RNF11: variants seen among roughly 807,000 people sequenced by gnomAD.
The protein encoded by RNF11 is ring finger protein 11.
In RNF11, 4 loss-of-function variants were observed where a neutral mutation model predicts 15.8. That is an observed-to-expected ratio of 0.25 (90% CI 0.12 to 0.58). The LOEUF (loss-of-function observed/expected upper bound fraction) is 0.58, where lower values mean the gene tolerates loss of function less well. RNF11 is among the 20% of genes least tolerant of loss of function. The probability of loss-of-function intolerance (pLI) is 0.91; values close to 1 mark genes in which losing one functional copy is unlikely to be tolerated. For synonymous variants in RNF11, 68 were observed against 72.3 expected (o/e 0.94, Z 0.30); for missense variants, 139 against 194.4 (o/e 0.71, Z 1.70).
intron 1 of RNF11, among the ~76,000 whole-genome samples, chr1:51,250,319 A>T (rs971508645): frequency 2.0e-5 from 3 of 152,190 alleles, no homozygotes; most frequent in Admixed American, 2.0e-4. Context: ...ATGTATTTTC[A>T]TAGCAGTTTT....
chr1:51,250,541 T>G (rs1646872467), intron 1 of RNF11: 2 of 568,152 alleles, frequency 3.5e-6, no homozygotes, highest in East Asian at 2.9e-5. Context: ...TGTTTGAGAT[T>G]TGTGACAATT....
chr1:51,241,411 G>T (rs1646828699), intron 1 of RNF11, among the ~76,000 whole-genome samples: 1 of 152,208 alleles, frequency 6.6e-6, no homozygotes, highest in Non-Finnish European at 1.5e-5. Flanking sequence ...GAGTAGCTGG[G>T]ACTACAGGGT....
intron 1 of RNF11, among the ~76,000 whole-genome samples, chr1:51,259,819 A>G (rs1177434400): frequency 6.6e-6 from 1 of 152,234 alleles, no homozygotes; most frequent in Non-Finnish European, 1.5e-5. Context: ...CTGTTGTCAA[A>G]GAGTTAATAA....
chr1:51,271,416 G>C lies in RNF11; in HGVS notation c.*94G>C, dbSNP rs565470362. The C allele has an allele frequency of 9.6e-7, 1 of 1,047,096 alleles. No homozygotes were observed. Among genetic ancestry groups the C allele is most frequent in the East Asian group, 2.5e-5 (1 of 39,506 alleles). The allele number at this position is 1,047,096 out of a possible 1,614,324, so 64.9% of individuals were successfully genotyped here. A position where few individuals can be genotyped will look rare whatever the true frequency, so the allele number is the denominator to read the frequency against. ...CAAAGAGCCAGGGATTAGGAATTAA[G>C]ATCGTGCACAAAAGTTTCCTTAAAA... On this transcript the variant is annotated 3_prime_UTR_variant, in exon 3 of 3. Coordinates refer to ENST00000242719, the MANE Select transcript of RNF11 (RefSeq NM_014372.5).
At chr1:51,237,193 T>A (rs1232268105) in intron 1 of RNF11, among the ~76,000 whole-genome samples, 13 of 152,010 alleles carry the variant, frequency 8.6e-5, no homozygotes, top group Admixed American at 8.5e-4. Flanking sequence ...TGTCTTTATG[T>A]CTGAATCGTA....
intron 1 of RNF11, among the ~76,000 whole-genome samples, chr1:51,248,096 C>CTTTTTTT (rs1157196813): frequency 6.5e-5 from 6 of 91,680 alleles, no homozygotes; most frequent in Admixed American, 1.1e-4. Context: ...CTAGTTTCTT[C>CTTTTTTT]TTTTTTTTTT....
At position 51,236,430 on chromosome 1, in the gene RNF11, A is replaced by T; in HGVS notation, c.-327A>T. The T allele has an allele frequency of 5.2e-6, 1 of 192,376 alleles. No homozygotes were observed. Among genetic ancestry groups the T allele is most frequent in the African/African-American group, 2.5e-5 (1 of 40,812 alleles). 11.9% of individuals were successfully genotyped at this position (192,376 alleles called of 1,614,324 possible). A position where few individuals can be genotyped will look rare whatever the true frequency, so the allele number is the denominator to read the frequency against. ...GCGCCCCCCCCCGCTGACCTGGATTAGGCCCAGCAGCTCCGTGGCCGCCGC... is the reference window on the plus strand; with the variant it reads ...GCGCCCCCCCCCGCTGACCTGGATTTGGCCCAGCAGCTCCGTGGCCGCCGC... On this transcript the variant is annotated 5_prime_UTR_variant, in exon 1 of 3. The change abolishes the stop of an existing upstream ORF in the 5' untranslated region. Coordinates refer to ENST00000242719, the MANE Select transcript of RNF11 (RefSeq NM_014372.5).
intron 1 of RNF11, among the ~76,000 whole-genome samples, chr1:51,245,478 G>A (rs932782405): frequency 1.3e-5 from 2 of 151,020 alleles, no homozygotes; most frequent in Admixed American, 6.6e-5. Flanking sequence ...TGGAGATGGA[G>A]TCTTACTCCA....
At chr1:51,258,571 A>AG (rs1427650496) in intron 1 of RNF11, among the ~76,000 whole-genome samples, 1 of 152,342 alleles carries the variant, frequency 6.6e-6, no homozygotes, top group South Asian at 2.1e-4. Flanking sequence ...TCTTCTAAAA[A>AG]TGTTTCATAA....
chr1:51,267,918 A>G (rs1557683120), intron 1 of RNF11, among the ~76,000 whole-genome samples: 2 of 152,158 alleles, frequency 1.3e-5, no homozygotes, highest in Non-Finnish European at 2.9e-5. Flanking sequence ...TTTAGTAGAG[A>G]TGGTGTTTTA....
intron 1 of RNF11, among the ~76,000 whole-genome samples, chr1:51,243,159 T>TCA (rs199898040): frequency 0.022 from 3,281 of 152,318 alleles, 105 homozygotes; most frequent in African/African-American, 0.067. Flanking sequence ...TTTCTCCACA[T>TCA]CAGTTTCCTC....
Position 51,236,780 on chromosome 1 carries a change from C to T in RNF11, c.24C>T (p.Pro8=). Residue 8 remains proline (P), a synonymous_variant, in exon 1 of 3, where the codon CCC becomes CCT. Transcript: ENST00000242719. MGNCLKS[P]TSDDISLLHE... is the part of the protein sequence containing the mutation. Reference sequence around the variant, plus strand: ...AGATGGGGAACTGCCTCAAATCCCCCACCTCGGATGACATCTCCCTGCTTC... The same window carrying T: ...AGATGGGGAACTGCCTCAAATCCCCTACCTCGGATGACATCTCCCTGCTTC... The T allele has an allele frequency of 6.2e-7, 1 of 1,613,592 alleles. No individual in the cohort carries two copies. The highest frequency in any genetic ancestry group is 8.5e-7 in the Non-Finnish European group (1 of 1,179,776).
At chr1:51,261,373 G>A (rs1332514096) in intron 1 of RNF11, among the ~76,000 whole-genome samples, 1 of 152,166 alleles carries the variant, frequency 6.6e-6, no homozygotes, top group Admixed American at 6.5e-5. Flanking sequence ...TCCGTGAGAG[G>A]CAATCCCAGA....
intron 1 of RNF11, among the ~76,000 whole-genome samples, chr1:51,255,021 A>G (rs755405204): frequency 6.6e-6 from 1 of 152,250 alleles, no homozygotes; most frequent in Non-Finnish European, 1.5e-5. Context: ...AATAGCTTAT[A>G]CATTGGTGAG....
Position 51,249,037 on chromosome 1 carries a change from C to A in RNF11, c.123+12158C>A, listed in dbSNP as rs570224829. Among the ~76,000 whole-genome samples, 6 of 152,196 alleles carry A rather than the reference C, an allele frequency of 3.9e-5. No individual in the cohort carries two copies. In the East Asian group the frequency reaches 1.2e-3, roughly 29 times the overall value. On this transcript the variant is annotated intron_variant, in intron 1 of 2. Transcript: ENST00000242719. Reference sequence around the variant, plus strand: ...TATGGGAGGGTGTACAGGTTATGTGCAAATATGCCATTTTATATAAGGGAC... The same window carrying A: ...TATGGGAGGGTGTACAGGTTATGTGAAAATATGCCATTTTATATAAGGGAC...
chr1:51,245,701 A>C (rs1646848757), intron 1 of RNF11, among the ~76,000 whole-genome samples: 1 of 151,796 alleles, frequency 6.6e-6, no homozygotes, highest in Non-Finnish European at 1.5e-5. Context: ...CCACCCACCT[A>C]GGCCTACCAA....
intron 1 of RNF11, among the ~76,000 whole-genome samples, chr1:51,240,957 C>T (rs1299433546): frequency 6.6e-6 from 1 of 152,102 alleles, no homozygotes; most frequent in Non-Finnish European, 1.5e-5. Flanking sequence ...GTTGGTACTA[C>T]AGGCATGCGC....
At chr1:51,252,971 C>T (rs1479604612) in intron 1 of RNF11, among the ~76,000 whole-genome samples, 3 of 151,772 alleles carry the variant, frequency 2.0e-5, no homozygotes, top group Admixed American at 6.6e-5. Flanking sequence ...GGATTATAGG[C>T]GCCCACCACG....
rs777581613 is a variant in RNF11, at chr1:51,236,623, C to G, written c.-134C>G. 520 of 1,174,594 alleles carry G rather than the reference C, an allele frequency of 4.4e-4. 2 individuals are homozygous for G. The highest frequency in any genetic ancestry group is 5.9e-4 in the Non-Finnish European group (496 of 835,384). 72.8% of individuals were successfully genotyped at this position (1,174,594 alleles called of 1,614,324 possible). On this transcript the variant is annotated 5_prime_UTR_variant, in exon 1 of 3. Coordinates refer to ENST00000242719, the MANE Select transcript of RNF11 (RefSeq NM_014372.5). ...GCGGCCCCTCGGCGGCACCGTGGGGCGGTGGAGTCGCCTCCGCCTGATCCC... is the reference window on the plus strand; with the variant it reads ...GCGGCCCCTCGGCGGCACCGTGGGGGGGTGGAGTCGCCTCCGCCTGATCCC...
Sources: gnomAD v4.1 joint callset for allele counts (sites outside exome capture counted in the v4.1 genomes callset) on GRCh38, gnomAD v4.1.1 for gene constraint, MANE v1.5 for transcripts, NCBI Gene and HGNC (gene_info 2026-07-23, HGNC 2026-07-21) for gene names.